Variants in RNF32 observed in about 807,000 individuals in gnomAD.
The protein encoded by RNF32 is ring finger protein 32.
In RNF32, 36 loss-of-function variants were observed where a neutral mutation model predicts 41.0. The ratio of observed to expected loss-of-function variants is 0.88; its 90% CI spans 0.67 to 1.16. The LOEUF is 1.16. RNF32 is among the 50% of genes most tolerant of loss of function. RNF32 has a pLI of 0.00. For missense variants in RNF32, 413 were observed against 436.7 expected (o/e 0.95, Z 0.48); for synonymous variants, 154 against 160.9 (o/e 0.96, Z 0.32).
At chr7:156,659,565 T>C in intron 7 of RNF32, 1 of 978,504 alleles carries the variant, frequency 1.0e-6, no homozygotes, top group Non-Finnish European at 1.2e-6. Context: ...TCAGAAGTGA[T>C]TTTTTGTCAC....
intron 7 of RNF32, 149 bp downstream of exon 7, chr7:156,658,719 GTTTA>G: frequency 1.3e-6 from 1 of 767,358 alleles, no homozygotes; most frequent in East Asian, 2.7e-5. Context: ...TAAAAATCCT[GTTTA>G]ACTTTAGTTG....
intron 7 of RNF32, among the ~76,000 whole-genome samples, chr7:156,675,369 G>A (rs375125899): frequency 5.9e-5 from 9 of 152,328 alleles, no homozygotes; most frequent in Middle Eastern, 6.8e-3. Context: ...GGGGTGGGGA[G>A]AGGTCAGACG....
chr7:156,649,404 CCTG>C (rs1798410933), intron 3 of RNF32, among the ~76,000 whole-genome samples: 1 of 151,776 alleles, frequency 6.6e-6, no homozygotes, highest in African/African-American at 2.4e-5. Context: ...CTTTTTTTTC[CCTG>C]CTTTTTTTTT....
At chr7:156,662,815 G>A (rs1800831197) in intron 7 of RNF32, among the ~76,000 whole-genome samples, 1 of 149,632 alleles carries the variant, frequency 6.7e-6, no homozygotes, top group Middle Eastern at 3.5e-3. Flanking sequence ...CGTTTTTACT[G>A]AAAAGATATT....
At chr7:156,659,107 C>T (rs1393781738) in intron 7 of RNF32, 21 of 1,355,946 alleles carry the variant, frequency 1.5e-5, no homozygotes, top group Non-Finnish European at 1.9e-5. Context: ...ACTTATTTAA[C>T]AATTTCCCAT....
chr7:156,669,740 G>A lies in RNF32; in HGVS notation c.685-5956G>A, dbSNP rs943546197. ...GCAGGGCTGGGACTCCCAGGGAGAA[G>A]GGGCCATGGCTGGGCCCCTCCAGCA... is the stretch of plus-strand genomic sequence containing the variant. On this transcript the variant is annotated intron_variant, in intron 7 of 8. Transcript: ENST00000317955. This position sits in a 1 kb window ranked among gnomAD's most constrained non-coding sequence, Gnocchi z 4.2. Among the ~76,000 whole-genome samples the A allele has an allele frequency of 1.3e-5, 2 of 152,222 alleles. No homozygotes were observed. The highest frequency in any genetic ancestry group is 6.5e-5 in the Admixed American group (1 of 15,288).
In RNF32 at chr7:156,644,689, A is replaced by T. The variant is rs766413834; in HGVS notation, c.206A>T (p.Gln69Leu). The T allele has an allele frequency of 5.0e-6, 8 of 1,613,322 alleles. No homozygotes were observed. Reference protein sequence around the residue: ...IIDTGLKKTTQCPKLEDSEKE... With the variant: ...IIDTGLKKTTLCPKLEDSEKE... ...GATACTGGACTTAAAAAAACTACACAGTGCCCCAAACTAGAAGACTCAGAA... is the reference window on the plus strand; with the variant it reads ...GATACTGGACTTAAAAAAACTACACTGTGCCCCAAACTAGAAGACTCAGAA... The change falls in exon 3 of 9, where the codon CAG (glutamine) becomes CTG (leucine). Residue 69 changes from glutamine to leucine, a missense_variant. Transcript: ENST00000317955.
chr7:156,641,714 C>T (rs1388288533), intron 1 of RNF32, among the ~76,000 whole-genome samples: 1 of 152,186 alleles, frequency 6.6e-6, no homozygotes, highest in Non-Finnish European at 1.5e-5. Flanking sequence ...ATGACCGGAC[C>T]ATTTTTAGTG....
chr7:156,650,348 C>T (rs1798556929), intron 3 of RNF32, among the ~76,000 whole-genome samples: 1 of 152,154 alleles, frequency 6.6e-6, no homozygotes, highest in Non-Finnish European at 1.5e-5. Context: ...GTCACATGCC[C>T]ATTGATAGTC....
At chr7:156,643,750 G>T in intron 1 of RNF32, 51 bp from the exon 2 acceptor site, 1 of 836,560 alleles carries the variant, frequency 1.2e-6, no homozygotes, top group Non-Finnish European at 2.0e-6. Flanking sequence ...CAAACTTCAT[G>T]GTTTTTCTGT....
In RNF32 at chr7:156,658,869, G is replaced by C. The variant is rs1245916049; in HGVS notation, c.684+299G>C. On this transcript the variant is annotated intron_variant, in intron 7 of 8. Coordinates refer to ENST00000317955, the MANE Select transcript of RNF32 (RefSeq NM_030936.4). ...AATAAACTTATCTCTTCAGACACAA[G>C]ACTGGAAACCAGCTTAATTTTTCCC... The C allele has an allele frequency of 2.3e-5, 36 of 1,544,922 alleles. No individual in the cohort carries two copies. In the Admixed American group the frequency reaches 7.1e-4, roughly 30 times the overall value.
chr7:156,646,648 C>T (rs1798001988), intron 3 of RNF32: 1 of 468,182 alleles, frequency 2.1e-6, no homozygotes, highest in Non-Finnish European at 3.6e-6. Context: ...GATTAGGCAT[C>T]AATGAGAACG....
chr7:156,671,213 G>C (rs1585104532), intron 7 of RNF32, among the ~76,000 whole-genome samples: 1 of 152,230 alleles, frequency 6.6e-6, no homozygotes, highest in Non-Finnish European at 1.5e-5. Context: ...ATGGAAGACA[G>C]AGCAGGATGG....
Position 156,644,021 on chromosome 7 carries a change from G to A in RNF32, c.15+129G>A, listed in dbSNP as rs141937109. Reference sequence around the variant, plus strand: ...CTAGGAATTGTCAGCAGGAATGGGCGATGCCAAGTGTCGCATGGGGCAGTG... The same window carrying A: ...CTAGGAATTGTCAGCAGGAATGGGCAATGCCAAGTGTCGCATGGGGCAGTG... On this transcript the variant is annotated intron_variant, in intron 2 of 8. Coordinates refer to ENST00000317955, the MANE Select transcript of RNF32 (RefSeq NM_030936.4). 711 of 781,370 alleles carry A rather than the reference G, an allele frequency of 9.1e-4. 3 individuals carry two copies. The highest frequency in any genetic ancestry group is 9.0e-3 in the African/African-American group (527 of 58,294). The allele number at this position is 781,370 out of a possible 1,614,324, so 48.4% of individuals were successfully genotyped here. A position where few individuals can be genotyped will look rare whatever the true frequency, so the allele number is the denominator to read the frequency against.
At chr7:156,661,648 T>G (rs1800692854) in intron 7 of RNF32, among the ~76,000 whole-genome samples, 1 of 152,198 alleles carries the variant, frequency 6.6e-6, no homozygotes, top group African/African-American at 2.4e-5. Context: ...CTTACAGCAA[T>G]GACCCACCAC....
chr7:156,676,561 T>C lies in RNF32; in HGVS notation c.995T>C (p.Leu332Pro), dbSNP rs1804091613. 1 of 1,614,146 alleles carries C rather than the reference T, an allele frequency of 6.2e-7. No homozygotes were observed. Among genetic ancestry groups the C allele is most frequent in the South Asian group, 1.1e-5 (1 of 91,090 alleles). The change falls in exon 9 of 9, where the codon CTG (leucine) becomes CCG (proline). Residue 332 changes from leucine to proline, a missense_variant. By Grantham distance (98) the Leu-to-Pro change is moderately conservative. Coordinates refer to ENST00000317955, the MANE Select transcript of RNF32 (RefSeq NM_030936.4). ...CATGTGTTCCACCATGCGTGTCTGCTGGCACTAGAGGAGTTCTCCGTGGGA... is the reference window on the plus strand; with the variant it reads ...CATGTGTTCCACCATGCGTGTCTGCCGGCACTAGAGGAGTTCTCCGTGGGA... ...CSHVFHHACL[L>P]ALEEFSVGDR...
intron 3 of RNF32, among the ~76,000 whole-genome samples, chr7:156,653,827 A>C (rs372474597): frequency 5.9e-5 from 9 of 152,336 alleles, no homozygotes; most frequent in African/African-American, 2.2e-4. Context: ...AGTTTTTAGC[A>C]GGGGAGGTGC....
At chr7:156,659,159 C>G in intron 7 of RNF32, 1 of 1,214,056 alleles carries the variant, frequency 8.2e-7, no homozygotes, top group Non-Finnish European at 1.0e-6. Flanking sequence ...CCCCATCAGC[C>G]TGTGGCTTCA....
rs985773590 is a variant in RNF32, at chr7:156,657,663, G to A, written c.450+90G>A. 4 of 1,253,118 alleles carry A rather than the reference G, an allele frequency of 3.2e-6. No homozygotes were observed. In the African/African-American group the frequency reaches 4.4e-5, roughly 14 times the overall value. 77.6% of individuals were successfully genotyped at this position (1,253,118 alleles called of 1,614,324 possible). A position where few individuals can be genotyped will look rare whatever the true frequency, so the allele number is the denominator to read the frequency against. ...TAGTCATTTTCAAGGCTCCTAAGGA[G>A]AGCCATTTATTTTATTCATCACCAC... is the stretch of plus-strand genomic sequence containing the variant. On this transcript the variant is annotated intron_variant, in intron 5 of 8. Transcript: ENST00000317955.
Sources: gnomAD v4.1 joint callset for allele counts (sites outside exome capture counted in the v4.1 genomes callset) on GRCh38, gnomAD v4.1.1 for gene constraint, Gnocchi (gnomAD v3.1) non-coding constraint, MANE v1.5 for transcripts, NCBI Gene and HGNC (gene_info 2026-07-23, HGNC 2026-07-21) for gene names.